Variants in GPC5 observed in about 807,000 individuals in gnomAD.
GPC5 encodes glypican-5.
In GPC5, 47 loss-of-function variants were observed where a neutral mutation model predicts 53.9. The observed-to-expected ratio is 0.87, with a 90% confidence interval of 0.69 to 1.11. The LOEUF is 1.11. Ranked by LOEUF, GPC5 falls within the 50% of genes most tolerant of loss-of-function variation. The pLI is 0.00. For synonymous variants in GPC5, 286 were observed against 263.3 expected, an observed-to-expected ratio of 1.09 and a Z score of -0.84; for missense variants, 748 against 713.1, an observed-to-expected ratio of 1.05 and a Z score of -0.56.
chr13:91,680,457 C>T (rs577632662), intron 2 of GPC5, among the ~76,000 whole-genome samples: 1 of 152,080 alleles, frequency 6.6e-6, no homozygotes, highest in African/African-American at 2.4e-5. Context: ...TCAAAACAAA[C>T]AAACAAACAA....
At chr13:91,502,705 G>A (rs1260779194) in intron 2 of GPC5, among the ~76,000 whole-genome samples, 2 of 152,162 alleles carry the variant, frequency 1.3e-5, no homozygotes, top group African/African-American at 2.4e-5. Flanking sequence ...CACCACTCAC[G>A]ACAGCTAAAA....
At chr13:92,657,938 A>G (rs935262724) in intron 7 of GPC5, among the ~76,000 whole-genome samples, 1 of 152,112 alleles carries the variant, frequency 6.6e-6, no homozygotes, top group African/African-American at 2.4e-5. Flanking sequence ...GGTATGAATC[A>G]TACTTCTCTA....
intron 5 of GPC5, among the ~76,000 whole-genome samples, chr13:91,761,873 C>T (rs976227062): frequency 6.6e-6 from 1 of 152,140 alleles, no homozygotes; most frequent in African/African-American, 2.4e-5. Context: ...CCTCTCCCCT[C>T]CCTGGAGGTT....
chr13:91,751,569 A>G (rs9523404), intron 4 of GPC5, among the ~76,000 whole-genome samples: 10 of 151,992 alleles, frequency 6.6e-5, no homozygotes, highest in Non-Finnish European at 1.2e-4. Context: ...AAACCTCATT[A>G]GTTCTTAAAG....
rs556905175 is a variant in GPC5 at position 91,592,496 on chromosome 13, G to A, written c.326-100691G>A. Among the ~76,000 whole-genome samples, 46 of 152,272 alleles carry A rather than the reference G, an allele frequency of 3.0e-4. 1 individual carries two copies. In the South Asian group the frequency reaches 9.6e-3, roughly 32 times the overall value. ...AGCAGGGAGATAGGCCACACCCTTT[G>A]TGGGCCAGCCCTGTGGAGTGAGGCA... On this transcript the variant is annotated intron_variant, in intron 2 of 7. Coordinates refer to ENST00000377067, the MANE Select transcript of GPC5 (RefSeq NM_004466.6).
At chr13:92,091,387 A>G (rs1362486616) in intron 6 of GPC5, among the ~76,000 whole-genome samples, 4 of 152,278 alleles carry the variant, frequency 2.6e-5, no homozygotes, top group South Asian at 2.1e-4. Context: ...TAATACATCC[A>G]TATATACACA....
intron 1 of GPC5, among the ~76,000 whole-genome samples, chr13:91,440,925 G>A (rs1465407756): frequency 6.6e-6 from 1 of 152,150 alleles, no homozygotes; most frequent in Non-Finnish European, 1.5e-5. Context: ...AGAAACTGGG[G>A]TTCTTGCTCT....
chr13:91,586,922 T>G (rs1449147940), intron 2 of GPC5, among the ~76,000 whole-genome samples: 1 of 152,064 alleles, frequency 6.6e-6, no homozygotes, highest in African/African-American at 2.4e-5. Flanking sequence ...ATGTTTATAA[T>G]AAATTTGGGG....
intron 5 of GPC5, among the ~76,000 whole-genome samples, chr13:91,869,364 T>G (rs1045246714): frequency 6.6e-6 from 1 of 152,144 alleles, no homozygotes; most frequent in Non-Finnish European, 1.5e-5. Flanking sequence ...AGCAATGGTG[T>G]TTCTGACTCC....
rs1031605858 is a variant in GPC5, at chr13:92,374,543, G to A, written c.1561+229554G>A. ...CAGCCATAAAAAATGATGAGTTCAT[G>A]TCCTTTTTAGGGACATGGATGAAAT... On this transcript the variant is annotated intron_variant, in intron 7 of 7. Transcript: ENST00000377067. 3.9e-5 allele frequency among the ~76,000 whole-genome samples: 6 copies of A among 152,052 alleles called. No homozygotes were observed. The East Asian group carries it at 1.2e-3, about 29-fold the overall frequency.
At chr13:92,378,341 C>T (rs2043711304) in intron 7 of GPC5, among the ~76,000 whole-genome samples, 1 of 152,162 alleles carries the variant, frequency 6.6e-6, no homozygotes, top group Non-Finnish European at 1.5e-5. Flanking sequence ...GAGTCCACTA[C>T]AAAATCCATG....
chr13:91,614,207 T>C (rs536382618), intron 2 of GPC5, among the ~76,000 whole-genome samples: 1 of 152,318 alleles, frequency 6.6e-6, no homozygotes, highest in African/African-American at 2.4e-5. Flanking sequence ...TCTGCAAATG[T>C]GGCACTGAGG....
At chr13:91,743,118 A>G (rs1239686498) in intron 4 of GPC5, among the ~76,000 whole-genome samples, 1 of 152,124 alleles carries the variant, frequency 6.6e-6, no homozygotes, top group Admixed American at 6.6e-5. Flanking sequence ...TATCTAATAT[A>G]TCTAAGAGTA....
chr13:92,481,500 C>T (rs1879355389), intron 7 of GPC5, among the ~76,000 whole-genome samples: 1 of 152,076 alleles, frequency 6.6e-6, no homozygotes, highest in African/African-American at 2.4e-5. Flanking sequence ...AGAGTTGGGC[C>T]AGTTGAGTTT....
intron 2 of GPC5, among the ~76,000 whole-genome samples, chr13:91,520,645 C>CATAT (rs371083601): frequency 6.6e-6 from 1 of 150,488 alleles, no homozygotes; most frequent in Non-Finnish European, 1.5e-5. Context: ...AATCTATTTC[C>CATAT]ATATATATAT....
intron 7 of GPC5, among the ~76,000 whole-genome samples, chr13:92,298,884 C>T (rs1182492651): frequency 6.6e-6 from 1 of 152,190 alleles, no homozygotes; most frequent in Non-Finnish European, 1.5e-5. Context: ...TTTTTATTTA[C>T]AGCATTTTTC....
chr13:91,903,314 A>C (rs1198462759), intron 5 of GPC5, among the ~76,000 whole-genome samples: 1 of 152,096 alleles, frequency 6.6e-6, no homozygotes, highest in Non-Finnish European at 1.5e-5. Context: ...AAATATAATA[A>C]ATGTCCAGTT....
chr13:91,974,052 C>G (rs1163566356), intron 6 of GPC5, among the ~76,000 whole-genome samples: 1 of 152,186 alleles, frequency 6.6e-6, no homozygotes, highest in South Asian at 2.1e-4. Flanking sequence ...TTACTGCTGT[C>G]TTTTCGTTTG....
intron 7 of GPC5, among the ~76,000 whole-genome samples, chr13:92,294,669 A>T (rs2043021121): frequency 6.6e-6 from 1 of 151,674 alleles, no homozygotes; most frequent in Non-Finnish European, 1.5e-5. Context: ...CGTTTCATTT[A>T]TCTGTTTTGT....
Sources: gnomAD v4.1 joint callset for allele counts (sites outside exome capture counted in the v4.1 genomes callset) on GRCh38, gnomAD v4.1.1 for gene constraint, MANE v1.5 for transcripts, NCBI Gene and HGNC (gene_info 2026-07-23, HGNC 2026-07-21) for gene names.